GIN1: variants seen among roughly 807,000 people sequenced by gnomAD.
GIN1 encodes the protein gypsy retrotransposon integrase-like protein 1.
A neutral mutation model predicts 51.4 loss-of-function variants in GIN1; 41 were observed. The ratio of observed to expected loss-of-function variants is 0.80; its 90% confidence interval spans 0.62 to 1.04. The LOEUF (loss-of-function observed/expected upper bound fraction) is 1.04. Ranked by LOEUF, GIN1 falls within the 50% of genes least tolerant of loss-of-function variation. GIN1 has a pLI of 0.00. For synonymous variants in GIN1, 222 were observed against 206.5 expected, an observed-to-expected ratio of 1.07 and a Z score of -0.64; for missense variants, 610 against 612.4, an observed-to-expected ratio of 1.00 and a Z score of 0.04.
chr5:103,110,481 C>G (rs559725240), intron 1 of GIN1, among the ~76,000 whole-genome samples: 2 of 152,116 alleles, frequency 1.3e-5, no homozygotes, highest in Admixed American at 6.5e-5. Context: ...TCAATAAGCA[C>G]GTGAAAATGT....
Position 103,088,156 on chromosome 5 carries a change from CA to C in GIN1, c.1310del (p.Leu437CysfsTer5). 1.9e-6 allele frequency: 3 copies of C among 1,542,882 alleles called. No individual in the cohort carries two copies. The highest frequency in any genetic ancestry group is 2.6e-6 in the Non-Finnish European group (3 of 1,142,636). ...ESSEQESLYL[L>X]QGSVVADHDY... ...CATGATCTGCCACTACTGAACCTTG[CA>C]AGAGATAAAGACTTTCTGAAAAAAG... On this transcript the variant is annotated frameshift_variant, in exon 8 of 8. Transcript: ENST00000399004. LOFTEE classifies it high-confidence loss of function.
At position 103,097,409 on chromosome 5, in the gene GIN1, C is replaced by T; in HGVS notation, c.913G>A (p.Val305Met). The T allele has an allele frequency of 1.9e-6, 3 of 1,574,610 alleles. No homozygotes were observed. Among genetic ancestry groups the T allele is most frequent in the African/African-American group, 2.7e-5 (2 of 74,272 alleles). ...MPETSDSLHE[V>M]DGDNTSMFAK... ...AACATACTTGTATTATCACCATCCA[C>T]TTCATGAAGACTATCTGAAGTCTCA... is the stretch of plus-strand genomic sequence containing the variant. Residue 305 changes from valine (V) to methionine (M), a missense_variant, in exon 6 of 8, where the codon GTG becomes ATG. By Grantham distance (21) the Val-to-Met change is conservative (BLOSUM62 1). Coordinates refer to ENST00000399004, the MANE Select transcript of GIN1 (RefSeq NM_017676.2).
At chr5:103,103,479 G>A (rs1787631598) in intron 4 of GIN1, among the ~76,000 whole-genome samples, 1 of 152,168 alleles carries the variant, frequency 6.6e-6, no homozygotes, top group Non-Finnish European at 1.5e-5. Context: ...ATTAACTTTA[G>A]GTATTTCTTT....
chr5:103,107,452 G>A (rs1787759138), intron 2 of GIN1, among the ~76,000 whole-genome samples: 1 of 152,060 alleles, frequency 6.6e-6, no homozygotes, highest in African/African-American at 2.4e-5. Flanking sequence ...GTTTCCTTAG[G>A]AGGACACCTG....
intron 1 of GIN1, among the ~76,000 whole-genome samples, chr5:103,110,055 C>T (rs768477848): frequency 7.9e-5 from 12 of 152,046 alleles, no homozygotes; most frequent in Non-Finnish European, 1.6e-4. Context: ...TGAACCTTAA[C>T]TACCTACCTC....
rs1206447208 is a variant in GIN1 at position 103,087,100 on chromosome 5, G to C, written c.*798C>G. 7 of 152,280 alleles carry C rather than the reference G, an allele frequency of 4.6e-5. No individual in the cohort carries two copies. In the East Asian group the frequency reaches 1.4e-3, roughly 29 times the overall value. The allele number at this position is 152,280 out of a possible 1,614,324, so 9.4% of individuals were successfully genotyped here. On this transcript the variant is annotated 3_prime_UTR_variant, in exon 8 of 8. Coordinates refer to ENST00000399004, the MANE Select transcript of GIN1 (RefSeq NM_017676.2). ...CAATGCTCCTACTTCAGCCTCCTGA[G>C]TAGCTGGGACCGCAGGCATGTGCCA... is the stretch of plus-strand genomic sequence containing the variant.
At chr5:103,108,377 C>A (rs1332287724) in intron 2 of GIN1, among the ~76,000 whole-genome samples, 192 bp downstream of exon 2, 1 of 151,908 alleles carries the variant, frequency 6.6e-6, no homozygotes, top group East Asian at 1.9e-4. Context: ...TTTAAACAAC[C>A]CTTTTCACGC....
intron 4 of GIN1, among the ~76,000 whole-genome samples, chr5:103,101,038 C>T (rs561918634): frequency 1.3e-5 from 2 of 152,276 alleles, no homozygotes; most frequent in South Asian, 4.1e-4. Context: ...TTCCCCTATA[C>T]ATACATACCT....
chr5:103,104,882 A>G, intron 3 of GIN1, 36 bp from the exon 4 acceptor site: 1 of 1,209,754 alleles, frequency 8.3e-7, no homozygotes, highest in South Asian at 1.4e-5. Flanking sequence ...ACACATACAA[A>G]TGTTAACACT....
intron 4 of GIN1, among the ~76,000 whole-genome samples, chr5:103,100,945 C>T (rs1311057906): frequency 6.6e-6 from 1 of 152,060 alleles, no homozygotes; most frequent in East Asian, 1.9e-4. Context: ...TATAGTCTCC[C>T]TTTACCTTCA....
At chr5:103,116,063 C>T (rs1554197352) in intron 1 of GIN1, among the ~76,000 whole-genome samples, 11 of 152,076 alleles carry the variant, frequency 7.2e-5, no homozygotes. Context: ...CAATTTTCTC[C>T]AAATTGATCT....
chr5:103,116,404 G>A (rs1554197381), intron 1 of GIN1, among the ~76,000 whole-genome samples: 1 of 152,010 alleles, frequency 6.6e-6, no homozygotes, highest in Non-Finnish European at 1.5e-5. Flanking sequence ...AACAAATGCT[G>A]TAACAATTAA....
intron 1 of GIN1, among the ~76,000 whole-genome samples, chr5:103,118,032 G>C (rs781825726): frequency 1.3e-5 from 2 of 152,116 alleles, no homozygotes. Context: ...GGAATGGAAA[G>C]AGTTTATTAA....
chr5:103,101,490 T>C (rs1286856690), intron 4 of GIN1, among the ~76,000 whole-genome samples: 3 of 152,232 alleles, frequency 2.0e-5, no homozygotes, highest in Non-Finnish European at 4.4e-5. Context: ...AGTTAATATT[T>C]GTATTCATCT....
chr5:103,112,483 T>C (rs1787915388), intron 1 of GIN1, among the ~76,000 whole-genome samples: 1 of 152,186 alleles, frequency 6.6e-6, no homozygotes, highest in Non-Finnish European at 1.5e-5. Flanking sequence ...GTCTAGACTA[T>C]TTAGCCTACC....
Position 103,106,864 on chromosome 5 carries a change from A to G in GIN1, c.185T>C (p.Leu62Ser), listed in dbSNP as rs1554196351. Reference protein sequence around the residue: ...YVGKDRKQNRLVIVSEEEKKK... With the variant: ...YVGKDRKQNRSVIVSEEEKKK... ...TTTTTCCTCTTCTGAAACAATTACC[A>G]AACGATTTTGTTTTCTGTCTTTTCC... Residue 62 changes from leucine (L) to serine (S), a missense_variant, in exon 3 of 8, where the codon TTG (leucine) becomes TCG (serine). Leu to Ser is a moderately radical substitution (Grantham distance 145, BLOSUM62 -2). Coordinates refer to ENST00000399004, the MANE Select transcript of GIN1 (RefSeq NM_017676.2). 3 of 1,591,250 alleles carry G rather than the reference A, an allele frequency of 1.9e-6. No homozygotes were observed. The highest frequency in any genetic ancestry group is 2.6e-6 in the Non-Finnish European group (3 of 1,170,058).
At chr5:103,118,978 A>G (rs1321523890) in intron 1 of GIN1, among the ~76,000 whole-genome samples, 4 of 152,218 alleles carry the variant, frequency 2.6e-5, no homozygotes, top group African/African-American at 9.6e-5. Flanking sequence ...TTAAACATGT[A>G]GGAATAAGAA....
intron 7 of GIN1, among the ~76,000 whole-genome samples, chr5:103,094,080 T>C (rs1170809659): frequency 6.6e-6 from 1 of 152,212 alleles, no homozygotes; most frequent in East Asian, 1.9e-4. Flanking sequence ...GGCTATAGCA[T>C]GTCAAAATTT....
intron 4 of GIN1, among the ~76,000 whole-genome samples, chr5:103,104,327 G>T (rs573124925): frequency 6.6e-6 from 1 of 152,226 alleles, no homozygotes; most frequent in East Asian, 1.9e-4. Flanking sequence ...GATATCTGAA[G>T]ATAGGTTTAC....
Sources: gnomAD v4.1 joint callset for allele counts (sites outside exome capture counted in the v4.1 genomes callset) on GRCh38, gnomAD v4.1.1 for gene constraint, MANE v1.5 for transcripts, NCBI Gene and HGNC (gene_info 2026-07-23, HGNC 2026-07-21) for gene names.